Variants in DCC observed in about 807,000 individuals in gnomAD.
The protein encoded by DCC is DCC netrin 1 receptor.
In DCC, 58 loss-of-function variants were observed where a neutral mutation model predicts 172.5. The ratio of observed to expected loss-of-function variants is 0.34; its 90% CI spans 0.27 to 0.42. DCC has a LOEUF of 0.42. DCC is among the 10% of genes least tolerant of loss of function. The pLI, the probability that DCC is intolerant of heterozygous loss-of-function variation, is 1.00. For synonymous variants in DCC, 709 were observed against 644.5 expected (o/e 1.10, Z -1.52); for missense variants, 1,740 against 1,791.0 (o/e 0.97, Z 0.51).
chr18:52,764,050 T>C (rs2037204834), intron 2 of DCC, among the ~76,000 whole-genome samples: 1 of 152,232 alleles, frequency 6.6e-6, no homozygotes, highest in Admixed American at 6.5e-5. Flanking sequence ...CTTTGACAAG[T>C]CTTCTTCTTA....
At chr18:52,942,099 A>G (rs1286067249) in intron 5 of DCC, among the ~76,000 whole-genome samples, 1 of 152,132 alleles carries the variant, frequency 6.6e-6, no homozygotes, top group Non-Finnish European at 1.5e-5. Flanking sequence ...CTGATTTTTA[A>G]AAGTAATTAC....
rs188385212 is a variant in DCC, at chr18:52,657,191, C to T, written c.92-94863C>T. 3.3e-5 allele frequency among the ~76,000 whole-genome samples: 5 copies of T among 152,312 alleles called. No homozygotes were observed. In the East Asian group the frequency reaches 9.6e-4, roughly 29 times the overall value. ...CACTTGATTCACTGAGCCACACTAT[C>T]TCTGTGATGTTCCCCATAGTGTGTG... On this transcript the variant is annotated intron_variant, in intron 1 of 28. Transcript: ENST00000442544.
At chr18:52,945,233 A>G (rs912296227) in intron 5 of DCC, among the ~76,000 whole-genome samples, 2 of 152,228 alleles carry the variant, frequency 1.3e-5, no homozygotes, top group African/African-American at 4.8e-5. Context: ...TTAACAAGAA[A>G]AAATACCTTT....
chr18:52,795,114 G>A (rs972049356), intron 2 of DCC, among the ~76,000 whole-genome samples: 1 of 151,942 alleles, frequency 6.6e-6, no homozygotes, highest in Non-Finnish European at 1.5e-5. Flanking sequence ...TCTTTGTCTG[G>A]TGTTGGTATC....
At chr18:52,801,375 C>G (rs1467119815) in intron 2 of DCC, among the ~76,000 whole-genome samples, 1 of 152,040 alleles carries the variant, frequency 6.6e-6, no homozygotes, top group African/African-American at 2.4e-5. Flanking sequence ...AAAGCCTATT[C>G]TAATGTTTTA....
intron 1 of DCC, among the ~76,000 whole-genome samples, chr18:52,698,755 C>G (rs981690716): frequency 7.4e-6 from 1 of 134,560 alleles, no homozygotes; most frequent in Non-Finnish European, 1.5e-5. Flanking sequence ...CCCGCCACCA[C>G]GCCTGGCTAT....
At chr18:53,009,897 C>T (rs1286128796) in intron 5 of DCC, among the ~76,000 whole-genome samples, 3 of 151,920 alleles carry the variant, frequency 2.0e-5, no homozygotes, top group African/African-American at 7.2e-5. Context: ...CTAATCATGT[C>T]TTGAACTATA....
At chr18:53,171,111 C>G (rs2144443561) in intron 8 of DCC, among the ~76,000 whole-genome samples, 1 of 152,260 alleles carries the variant, frequency 6.6e-6, no homozygotes, top group East Asian at 1.9e-4. Flanking sequence ...TCTCGAACTC[C>G]TGACCTCAAG....
intron 2 of DCC, among the ~76,000 whole-genome samples, chr18:52,856,542 C>T (rs1054651452): frequency 6.2e-5 from 9 of 144,104 alleles, no homozygotes; most frequent in African/African-American, 2.0e-4. Flanking sequence ...TGGAGGATGG[C>T]GTGAACCCGG....
At chr18:52,793,584 G>C (rs1165988361) in intron 2 of DCC, among the ~76,000 whole-genome samples, 1 of 152,086 alleles carries the variant, frequency 6.6e-6, no homozygotes, top group Non-Finnish European at 1.5e-5. Flanking sequence ...CTCTCATTCT[G>C]CATGTTGTGT....
chr18:53,048,858 T>G (rs2042295810), intron 5 of DCC, among the ~76,000 whole-genome samples: 1 of 152,038 alleles, frequency 6.6e-6, no homozygotes, highest in Middle Eastern at 3.4e-3. Context: ...ATTTTTTGAC[T>G]TTTTAATAAT....
At chr18:53,280,865 T>TA (rs61413156) in intron 12 of DCC, among the ~76,000 whole-genome samples, 6,587 of 152,046 alleles carry the variant, frequency 0.043, 431 homozygotes, top group African/African-American at 0.15. Context: ...TTTTTGTAGG[T>TA]AAAAAAAGTT....
chr18:53,477,485 G>T (rs1232452732), intron 25 of DCC, among the ~76,000 whole-genome samples: 8 of 152,256 alleles, frequency 5.3e-5, no homozygotes, highest in East Asian at 1.9e-4. Flanking sequence ...ACTTACTGGG[G>T]TATCAAGCCT....
chr18:52,866,273 C>T (rs1034474330), intron 2 of DCC, among the ~76,000 whole-genome samples: 13 of 152,148 alleles, frequency 8.5e-5, no homozygotes, highest in Non-Finnish European at 1.9e-4. Context: ...GTATCAGTAC[C>T]ATGCTGTTTT....
At chr18:52,778,486 T>TAAAAA (rs1346720931) in intron 2 of DCC, among the ~76,000 whole-genome samples, 16 of 152,120 alleles carry the variant, frequency 1.1e-4, no homozygotes, top group Non-Finnish European at 1.8e-4. Flanking sequence ...TGAAATAACA[T>TAAAAA]AAAAATAAAG....
chr18:52,429,654 G>A lies in DCC; in HGVS notation c.91+88776G>A, dbSNP rs1987554457. Among the ~76,000 whole-genome samples the A allele has an allele frequency of 1.3e-5, 2 of 152,072 alleles. 1 individual carries two copies. The highest frequency in any genetic ancestry group is 4.1e-4 in the South Asian group (2 of 4,826). On this transcript the variant is annotated intron_variant, in intron 1 of 28. Transcript: ENST00000442544. Reference sequence around the variant, plus strand: ...CTAAGCCTAATCTAAAGCAGAAAATGGCCATGTTCTTAAATCTCTCCTTTG... The same window carrying A: ...CTAAGCCTAATCTAAAGCAGAAAATAGCCATGTTCTTAAATCTCTCCTTTG...
At chr18:53,006,884 T>C (rs1599021808) in intron 5 of DCC, among the ~76,000 whole-genome samples, 2 of 152,204 alleles carry the variant, frequency 1.3e-5, no homozygotes, top group Non-Finnish European at 2.9e-5. Flanking sequence ...CATAACGTTT[T>C]GCAGCCTCCC....
chr18:52,723,450 C>T lies in DCC; in HGVS notation c.92-28604C>T, dbSNP rs547397802. ...GCCAGAACACCAAGGCATTGTAGAA[C>T]GCCAACAGTAGGCTAGAATGTAAAG... On this transcript the variant is annotated intron_variant, in intron 1 of 28. Transcript: ENST00000442544. 9.2e-5 allele frequency among the ~76,000 whole-genome samples: 14 copies of T among 152,244 alleles called. No individual in the cohort carries two copies. The South Asian group carries it at 1.9e-3, about 20-fold the overall frequency.
chr18:52,693,023 C>T (rs1041712599), intron 1 of DCC, among the ~76,000 whole-genome samples: 10 of 151,978 alleles, frequency 6.6e-5, no homozygotes, highest in African/African-American at 2.2e-4. Context: ...CGTGACTTTC[C>T]CTCTCTCCTC....
Sources: gnomAD v4.1 joint callset for allele counts (sites outside exome capture counted in the v4.1 genomes callset) on GRCh38, gnomAD v4.1.1 for gene constraint, MANE v1.5 for transcripts, NCBI Gene and HGNC (gene_info 2026-07-23, HGNC 2026-07-21) for gene names.